CPA6: variants seen among roughly 807,000 people sequenced by gnomAD.
CPA6 encodes the protein carboxypeptidase B.
A neutral mutation model predicts 63.3 loss-of-function variants in CPA6; 58 were observed. The observed-to-expected ratio is 0.92, with a 90% CI of 0.74 to 1.14. The LOEUF (loss-of-function observed/expected upper bound fraction) is 1.14, where lower values mean the gene tolerates loss of function less well. CPA6 is among the 50% of genes most tolerant of loss of function. The pLI, the probability that CPA6 is intolerant of heterozygous loss-of-function variation, is 0.00. For synonymous variants in CPA6, 185 were observed against 179.0 expected, an observed-to-expected ratio of 1.03 and a Z score of -0.27; for missense variants, 565 against 526.6, an observed-to-expected ratio of 1.07 and a Z score of -0.71.
chr8:67,440,450 A>T (rs1231555434), intron 8 of CPA6, among the ~76,000 whole-genome samples: 1 of 152,152 alleles, frequency 6.6e-6, no homozygotes, highest in Non-Finnish European at 1.5e-5. Flanking sequence ...ACACACCTGT[A>T]ATCCCAGCTA....
At position 67,686,687 on chromosome 8, in the gene CPA6, G is replaced by T. The variant is rs564396715; in HGVS notation, c.116+59327C>A. Among the ~76,000 whole-genome samples the T allele has an allele frequency of 2.0e-5, 3 of 152,312 alleles. No individual in the cohort carries two copies. In the South Asian group the frequency reaches 6.2e-4, roughly 32 times the overall value. ...GTTTAATGGTCGTGCTCCAAGCTGG[G>T]ATTTTGCTATTTCAAACTGTATGAA... is the stretch of plus-strand genomic sequence containing the variant. On this transcript the variant is annotated intron_variant, in intron 1 of 10. Transcript: ENST00000297770.
chr8:67,445,292 AAG>A (rs1389508207), intron 8 of CPA6, among the ~76,000 whole-genome samples: 1 of 152,138 alleles, frequency 6.6e-6, no homozygotes, highest in Non-Finnish European at 1.5e-5. Flanking sequence ...AAAAAAGAAA[AAG>A]AGGGATTTGA....
intron 9 of CPA6, among the ~76,000 whole-genome samples, chr8:67,430,797 T>C (rs919180391): frequency 1.3e-5 from 2 of 152,172 alleles, no homozygotes; most frequent in Admixed American, 6.5e-5. Context: ...CCCCACCCTG[T>C]TGTGCCAATC....
rs573086786 is a variant in CPA6 at position 67,704,294 on chromosome 8, C to T, written c.116+41720G>A. Among the ~76,000 whole-genome samples, 40 of 152,274 alleles carry T rather than the reference C, an allele frequency of 2.6e-4. 3 individuals carry two copies. The South Asian group carries it at 7.5e-3, about 28-fold the overall frequency. ...TCACTTCTGTGCCCTTCTCAATACG[C>T]GTCAAGACCTTCAAGGTCATATTTG... is the stretch of plus-strand genomic sequence containing the variant. On this transcript the variant is annotated intron_variant, in intron 1 of 10. Transcript: ENST00000297770.
In CPA6 at chr8:67,422,700, T is replaced by TAA; in HGVS notation, c.1127-11_1127-10dup. The TAA allele has an allele frequency of 6.3e-7, 1 of 1,576,844 alleles. No individual in the cohort carries two copies. Among genetic ancestry groups the TAA allele is most frequent in the African/African-American group, 1.4e-5 (1 of 70,870 alleles). On this transcript the variant is annotated splice_polypyrimidine_tract_variant and intron_variant, in intron 10 of 10. Coordinates refer to ENST00000297770, the MANE Select transcript of CPA6 (RefSeq NM_020361.5). ...GCTACCAGAGCTCACATCTAAAAGT[T>TAA]AAAACAAAAAAAAAAAGATCAGCCT...
At chr8:67,709,257 G>A (rs1225559568) in intron 1 of CPA6, among the ~76,000 whole-genome samples, 2 of 152,136 alleles carry the variant, frequency 1.3e-5, no homozygotes, top group Non-Finnish European at 2.9e-5. Context: ...CACAGATCCT[G>A]GAATCATGTC....
At chr8:67,446,665 G>A (rs28421699) in intron 8 of CPA6, among the ~76,000 whole-genome samples, 22,456 of 152,114 alleles carry the variant, frequency 0.15, 1,811 homozygotes, top group East Asian at 0.23. Flanking sequence ...GCAGTATTGG[G>A]AGATCATGGT....
At chr8:67,716,913 G>GAT (rs1397019326) in intron 1 of CPA6, among the ~76,000 whole-genome samples, 1 of 152,166 alleles carries the variant, frequency 6.6e-6, no homozygotes, top group Non-Finnish European at 1.5e-5. Flanking sequence ...AATGAATAAT[G>GAT]ATATATAGTT....
At position 67,475,828 on chromosome 8, in the gene CPA6, TTTCTTTCTTTCTTTC is replaced by T. The variant is rs1563967623; in HGVS notation, c.838+7925_838+7939del. Among the ~76,000 whole-genome samples the T allele has an allele frequency of 1.2e-3, 62 of 52,604 alleles. 4 individuals are homozygous for T. The highest frequency in any genetic ancestry group is 4.6e-3 in the African/African-American group (57 of 12,398). 34.5% of individuals were successfully genotyped at this position (52,604 alleles called of 152,430 possible). A position where few individuals can be genotyped will look rare whatever the true frequency, so the allele number is the denominator to read the frequency against. ...TTCTTTCTTTCTTTCCTTTCTTTTC[TTTCTTTCTTTCTTTC>T]TTTCTTTCTTTCTTTCTTTCTTTCT... On this transcript the variant is annotated intron_variant, in intron 8 of 10. Coordinates refer to ENST00000297770, the MANE Select transcript of CPA6 (RefSeq NM_020361.5).
At chr8:67,450,468 A>T (rs1045458792) in intron 8 of CPA6, among the ~76,000 whole-genome samples, 8 of 152,104 alleles carry the variant, frequency 5.3e-5, no homozygotes, top group Non-Finnish European at 1.0e-4. Context: ...TTTCTAAGCC[A>T]CTCCTGAAGT....
chr8:67,627,440 G>T (rs537103099), intron 1 of CPA6, among the ~76,000 whole-genome samples: 8 of 150,886 alleles, frequency 5.3e-5, no homozygotes, highest in East Asian at 3.9e-4. Context: ...CAGGTTTTTT[G>T]TTTGTTTGTT....
intron 1 of CPA6, among the ~76,000 whole-genome samples, chr8:67,625,320 CA>C (rs1815171987): frequency 6.6e-6 from 1 of 152,206 alleles, no homozygotes; most frequent in South Asian, 2.1e-4. Flanking sequence ...TTCACAACCA[CA>C]AAGGTTTTAC....
At chr8:67,646,222 C>G (rs1167201026) in intron 1 of CPA6, among the ~76,000 whole-genome samples, 3 of 152,238 alleles carry the variant, frequency 2.0e-5, no homozygotes, top group Non-Finnish European at 2.9e-5. Context: ...TAGGAGTTCT[C>G]TACCAACTCT....
intron 2 of CPA6, among the ~76,000 whole-genome samples, chr8:67,562,939 T>C (rs1029152598): frequency 6.6e-6 from 1 of 152,190 alleles, no homozygotes; most frequent in Non-Finnish European, 1.5e-5. Flanking sequence ...TTTCCTGATA[T>C]ACTATATTGC....
At chr8:67,465,449 G>C (rs1810904125) in intron 8 of CPA6, among the ~76,000 whole-genome samples, 1 of 152,140 alleles carries the variant, frequency 6.6e-6, no homozygotes, top group African/African-American at 2.4e-5. Flanking sequence ...TGTAAAGAGA[G>C]CTAGTTTAAC....
rs775886277 is a variant in CPA6, at chr8:67,746,095, G to A, written c.35C>T (p.Ala12Val). The A allele has an allele frequency of 1.3e-5, 21 of 1,613,918 alleles. No homozygotes were observed. The South Asian group carries it at 2.3e-4, about 18-fold the overall frequency. The part of the protein sequence containing the change: ...KCLGKRRGQA[A>V]AFLPLCWLFL... ...GAGCCAGCAAAGAGGCAGGAAAGCA[G>A]CTGCCTGGCCCCTGCGCTTCCCGAG... Residue 12 changes from alanine to valine, a missense_variant, in exon 1 of 11, where the codon GCT (alanine) becomes GTT (valine). Coordinates refer to ENST00000297770, the MANE Select transcript of CPA6 (RefSeq NM_020361.5).
At chr8:67,614,173 A>G (rs1270464141) in intron 2 of CPA6, among the ~76,000 whole-genome samples, 1 of 152,210 alleles carries the variant, frequency 6.6e-6, no homozygotes, top group Non-Finnish European at 1.5e-5. Context: ...AGAGCTTTGT[A>G]ACTCCTAGAC....
At chr8:67,605,047 G>T (rs1237111927) in intron 2 of CPA6, among the ~76,000 whole-genome samples, 1 of 150,838 alleles carries the variant, frequency 6.6e-6, no homozygotes, top group Non-Finnish European at 1.5e-5. Flanking sequence ...AAAACTGTTG[G>T]GATTACAGCC....
intron 2 of CPA6, among the ~76,000 whole-genome samples, chr8:67,620,686 G>GAAAA (rs1815059417): frequency 6.6e-6 from 1 of 152,122 alleles, no homozygotes; most frequent in African/African-American, 2.4e-5. Context: ...TTGCTTGGTT[G>GAAAA]AAATCATTCA....
Sources: gnomAD v4.1 joint callset for allele counts (sites outside exome capture counted in the v4.1 genomes callset) on GRCh38, gnomAD v4.1.1 for gene constraint, MANE v1.5 for transcripts, NCBI Gene and HGNC (gene_info 2026-07-23, HGNC 2026-07-21) for gene names.